Variants in AKR1C3 observed in about 807,000 individuals in gnomAD.
AKR1C3 encodes 3-alpha hydroxysteroid dehydrogenase, type II.
In AKR1C3, 48 loss-of-function variants were observed where a neutral mutation model predicts 43.6. The observed-to-expected ratio is 1.10, with a 90% confidence interval of 0.87 to 1.40. The LOEUF is 1.40. Ranked by LOEUF, AKR1C3 falls within the 40% of genes most tolerant of loss-of-function variation. The pLI is 0.00. For synonymous variants in AKR1C3, 162 were observed against 139.6 expected, an observed-to-expected ratio of 1.16 and a Z score of -1.13; for missense variants, 482 against 391.2, an observed-to-expected ratio of 1.23 and a Z score of -1.96.
Position 5,102,118 on chromosome 10 carries a change from T to G in AKR1C3, c.588T>G (p.Tyr196Ter). ...PVCNQVECHP[Y>*]FNRSKLLDFC... ...AACTGCAGGTAGAATGTCATCCGTATTTCAACCGGAGTAAATTGCTAGATT... is the reference window on the plus strand; with the variant it reads ...AACTGCAGGTAGAATGTCATCCGTAGTTCAACCGGAGTAAATTGCTAGATT... The change falls in exon 6 of 9, where the codon TAT (tyrosine) becomes TAG (stop). Residue 196 changes from tyrosine (Y) to a stop codon, truncating the protein, a stop_gained. Transcript: ENST00000380554. LOFTEE classifies it high-confidence loss of function. 6.2e-7 allele frequency: 1 copy of G among 1,613,404 alleles called. No homozygotes were observed. Among genetic ancestry groups the G allele is most frequent in the Non-Finnish European group, 8.5e-7 (1 of 1,179,378 alleles).
upstream of AKR1C3, among the ~76,000 whole-genome samples, chr10:5,090,375 A>G (rs984510981): frequency 7.9e-5 from 12 of 152,082 alleles, no homozygotes; most frequent in East Asian, 1.9e-4. Context: ...CAGTAACACA[A>G]TCTGTTTCCC....
rs187952858 is a variant in AKR1C3, at chr10:5,070,574, G to A, written c.84+21679G>A. Reference sequence around the variant, plus strand: ...TACCTGGAATATACCTTATGGAGAGGACATTTCCTGTCATAGCTGAAGTGT... The same window carrying A: ...TACCTGGAATATACCTTATGGAGAGAACATTTCCTGTCATAGCTGAAGTGT... On this transcript the variant is annotated intron_variant, in intron 1 of 8. Coordinates refer to the AKR1C3 transcript ENST00000439082. 5.9e-5 allele frequency among the ~76,000 whole-genome samples: 9 copies of A among 152,282 alleles called. No homozygotes were observed. The East Asian group carries it at 1.7e-3, about 29-fold the overall frequency.
chr10:5,075,907 C>T (rs377702947), intron 1 of AKR1C3, among the ~76,000 whole-genome samples: 2 of 150,714 alleles, frequency 1.3e-5, no homozygotes, highest in African/African-American at 4.9e-5. Flanking sequence ...ATGGGAGTCA[C>T]GGGGGCTCGG....
intron 1 of AKR1C3, among the ~76,000 whole-genome samples, chr10:5,094,737 C>A (rs536234592): frequency 6.6e-6 from 1 of 152,182 alleles, no homozygotes; most frequent in South Asian, 2.1e-4. Context: ...TTCGTTTGTG[C>A]ACTGTTTCTT....
At chr10:5,098,968 C>A in intron 4 of AKR1C3, 89 bp downstream of exon 4, 2 of 1,070,876 alleles carry the variant, frequency 1.9e-6, no homozygotes, top group Non-Finnish European at 2.7e-6. Flanking sequence ...GGAATATGCA[C>A]CATTAGATCT....
chr10:5,097,340 G>A, intron 2 of AKR1C3, 94 bp from the exon 3 acceptor site: 1 of 1,452,174 alleles, frequency 6.9e-7, no homozygotes, highest in Non-Finnish European at 9.3e-7. Flanking sequence ...AAATTTTGAA[G>A]CAGTAGGAAA....
At chr10:5,082,451 T>C (rs578040594) in intron 1 of AKR1C3, among the ~76,000 whole-genome samples, 1 of 152,194 alleles carries the variant, frequency 6.6e-6, no homozygotes, top group East Asian at 1.9e-4. Flanking sequence ...TTATTTTGAG[T>C]CATGTTCCCT....
upstream of AKR1C3, among the ~76,000 whole-genome samples, chr10:5,090,713 C>T (rs993711434): frequency 7.2e-5 from 11 of 151,974 alleles, no homozygotes. Context: ...TGATCACATG[C>T]CAGCATTGTT....
exon 1 of AKR1C3, chr10:5,048,893 G>A: frequency 6.2e-7 from 1 of 1,612,776 alleles, no homozygotes; most frequent in African/African-American, 1.3e-5. Flanking sequence ...TGCACCTCCA[G>A]AGGTAATAAT....
chr10:5,106,185 T>C (rs79073724), intron 8 of AKR1C3, among the ~76,000 whole-genome samples: 2,729 of 152,182 alleles, frequency 0.018, 77 homozygotes, highest in African/African-American at 0.062. Context: ...TTTTCCTCCT[T>C]CTCCTTGCAT....
At chr10:5,091,264 A>C (rs1459425643), upstream of AKR1C3, among the ~76,000 whole-genome samples, 1 of 152,142 alleles carries the variant, frequency 6.6e-6, no homozygotes, top group East Asian at 1.9e-4. Flanking sequence ...TTACGTCCAA[A>C]TTAGTTTTCT....
intron 1 of AKR1C3, among the ~76,000 whole-genome samples, chr10:5,089,344 CTTCTTACTT>C (rs1222695231): frequency 6.6e-6 from 1 of 151,012 alleles, no homozygotes; most frequent in African/African-American, 2.4e-5. Context: ...GTTTTTCAAA[CTTCTTACTT>C]CTCTTCATCT....
chr10:5,076,811 C>T (rs545695354), intron 1 of AKR1C3, among the ~76,000 whole-genome samples: 2 of 152,274 alleles, frequency 1.3e-5, no homozygotes, highest in Admixed American at 1.3e-4. Flanking sequence ...TGACATGCTA[C>T]GCCATTACCC....
intron 8 of AKR1C3, 98 bp downstream of exon 8, chr10:5,105,775 A>T: frequency 1.1e-6 from 1 of 885,852 alleles, no homozygotes; most frequent in Admixed American, 2.1e-5. Context: ...GACAGAGGCC[A>T]ATGTGAGTCA....
rs1258312595 is a variant in AKR1C3 at position 5,068,678 on chromosome 10, G to A, written c.84+19783G>A. On this transcript the variant is annotated intron_variant, in intron 1 of 8. Coordinates refer to the AKR1C3 transcript ENST00000439082. Reference sequence around the variant, plus strand: ...TAGAATGTTTCCAGCATAGTTAGGGGCATGGCCAACTCCCCATGGAGAGGG... The same window carrying A: ...TAGAATGTTTCCAGCATAGTTAGGGACATGGCCAACTCCCCATGGAGAGGG... Among the ~76,000 whole-genome samples, 4 of 152,248 alleles carry A rather than the reference G, an allele frequency of 2.6e-5. No homozygotes were observed. The East Asian group carries it at 7.7e-4, about 29-fold the overall frequency.
chr10:5,087,576 A>G (rs1481999183), intron 1 of AKR1C3, among the ~76,000 whole-genome samples: 1 of 151,652 alleles, frequency 6.6e-6, no homozygotes, highest in Non-Finnish European at 1.5e-5. Context: ...GGGTTTCACC[A>G]TGTTGGCCAG....
chr10:5,059,788 C>A (rs797041123), intron 1 of AKR1C3, among the ~76,000 whole-genome samples: 1 of 151,842 alleles, frequency 6.6e-6, no homozygotes, highest in Non-Finnish European at 1.5e-5. Flanking sequence ...TCTCACCCCT[C>A]GGCGATAGTC....
rs188683780 is a variant in AKR1C3, at chr10:5,051,422, C to T, written c.84+2527C>T. ...GACTTTGTGTTTTATGTATTAAGTT[C>T]CAGGCAGGGGAGTAGAATTGAATAA... is the stretch of plus-strand genomic sequence containing the variant. On this transcript the variant is annotated intron_variant, in intron 1 of 8. Transcript: ENST00000439082. Among the ~76,000 whole-genome samples the T allele has an allele frequency of 8.6e-4, 131 of 152,196 alleles. 1 individual carries two copies. Among genetic ancestry groups the T allele is most frequent in the Non-Finnish European group, 5.7e-4 (39 of 68,012 alleles).
At chr10:5,105,284 ACCCTATCATGTGGGCACAATG>A in intron 7 of AKR1C3, 4 of 7,478 alleles carry the variant, frequency 5.3e-4, no homozygotes, top group African/African-American at 1.6e-3. Flanking sequence ...TAGGTACATG[ACCCTATCATGTGGGCACAATG>A]TGACCCTATC....
Sources: gnomAD v4.1 joint callset for allele counts (sites outside exome capture counted in the v4.1 genomes callset) on GRCh38, gnomAD v4.1.1 for gene constraint, MANE v1.5 for transcripts, NCBI Gene and HGNC (gene_info 2026-07-23, HGNC 2026-07-21) for gene names.